Variants in AUTS2 observed in about 807,000 individuals in gnomAD.
AUTS2 encodes the protein activator of transcription and developmental regulator AUTS2.
In AUTS2, 17 loss-of-function variants were observed where a neutral mutation model predicts 112.4. The observed-to-expected ratio is 0.15, with a 90% CI of 0.10 to 0.23. AUTS2 has a LOEUF of 0.23. Ranked by LOEUF, AUTS2 falls within the 10% of genes least tolerant of loss-of-function variation. The pLI is 1.00. For synonymous variants in AUTS2, 751 were observed against 702.7 expected (o/e 1.07, Z -1.09); for missense variants, 1,510 against 1,701.6 (o/e 0.89, Z 1.98).
chr7:70,454,637 G>A (rs1453900210), intron 5 of AUTS2, among the ~76,000 whole-genome samples: 2 of 152,188 alleles, frequency 1.3e-5, no homozygotes, highest in East Asian at 3.9e-4. Flanking sequence ...ACTCACACCT[G>A]TAATCCCAGC....
intron 6 of AUTS2, among the ~76,000 whole-genome samples, chr7:70,749,938 A>G (rs923301965): frequency 2.6e-5 from 4 of 152,250 alleles, no homozygotes; most frequent in Admixed American, 6.5e-5. Flanking sequence ...CACCTACACT[A>G]CACTCCAAGT....
intron 2 of AUTS2, among the ~76,000 whole-genome samples, chr7:69,971,699 A>G (rs539708826): frequency 6.6e-6 from 1 of 152,322 alleles, no homozygotes; most frequent in African/African-American, 2.4e-5. Context: ...TGTTATATAA[A>G]TGGAATCATA....
intron 5 of AUTS2, among the ~76,000 whole-genome samples, chr7:70,586,505 G>A (rs1274005675): frequency 6.6e-6 from 1 of 152,162 alleles, no homozygotes; most frequent in African/African-American, 2.4e-5. Flanking sequence ...ATTCTATTTA[G>A]GGTTAAACAT....
intron 2 of AUTS2, among the ~76,000 whole-genome samples, chr7:70,064,654 C>T (rs1802406224): frequency 6.6e-6 from 1 of 152,138 alleles, no homozygotes; most frequent in South Asian, 2.1e-4. Context: ...GACATAAAGA[C>T]TTAAAGGCAA....
chr7:69,602,074 GTGTGTGTGTGTGTGTGTGTA>G (rs1180068093), intron 1 of AUTS2, among the ~76,000 whole-genome samples: 98 of 50,142 alleles, frequency 2.0e-3, no homozygotes, highest in Middle Eastern at 0.01. Context: ...GTGTGTGTGT[GTGTGTGTGTGTGTGTGTGTA>G]TATCTCACTT....
intron 5 of AUTS2, among the ~76,000 whole-genome samples, chr7:70,548,376 A>G (rs1321699661): frequency 6.6e-6 from 1 of 151,994 alleles, no homozygotes; most frequent in Non-Finnish European, 1.5e-5. Context: ...TTGACTTTTC[A>G]TATCCGTAAT....
chr7:69,987,489 G>A (rs1183831314), intron 2 of AUTS2, among the ~76,000 whole-genome samples: 1 of 152,112 alleles, frequency 6.6e-6, no homozygotes, highest in African/African-American at 2.4e-5. Context: ...CTTTCTGATA[G>A]GGTCTTGCTA....
chr7:70,055,848 AT>A (rs555333017), intron 2 of AUTS2, among the ~76,000 whole-genome samples: 1 of 151,688 alleles, frequency 6.6e-6, no homozygotes. Context: ...TTCCTATCTA[AT>A]TTTTTTTATT....
At chr7:69,830,152 G>A (rs1360835062) in intron 1 of AUTS2, among the ~76,000 whole-genome samples, 4 of 152,094 alleles carry the variant, frequency 2.6e-5, no homozygotes, top group Non-Finnish European at 5.9e-5. Flanking sequence ...ACCAAACAGC[G>A]CATGTTCTCA....
intron 1 of AUTS2, among the ~76,000 whole-genome samples, chr7:69,696,701 G>C (rs1797577671): frequency 6.6e-6 from 1 of 152,188 alleles, no homozygotes; most frequent in Non-Finnish European, 1.5e-5. Flanking sequence ...CTAAGAACCT[G>C]ACCTTCTTGT....
chr7:70,559,619 C>T (rs905158386), intron 5 of AUTS2, among the ~76,000 whole-genome samples: 2 of 152,148 alleles, frequency 1.3e-5, no homozygotes, highest in Admixed American at 1.3e-4. Flanking sequence ...CAGGTGTGAG[C>T]CACCACTCCC....
At chr7:70,788,059 A>G (rs1289093019) in intron 18 of AUTS2, among the ~76,000 whole-genome samples, 2 of 152,150 alleles carry the variant, frequency 1.3e-5, no homozygotes, top group East Asian at 3.9e-4. Flanking sequence ...TAAAAAAAAA[A>G]GTAGCGTTAA....
chr7:70,341,352 C>T (rs1000446226), intron 4 of AUTS2, among the ~76,000 whole-genome samples: 1 of 152,216 alleles, frequency 6.6e-6, no homozygotes, highest in Admixed American at 6.5e-5. Flanking sequence ...ATTACCAATT[C>T]GATATACTGT....
intron 4 of AUTS2, among the ~76,000 whole-genome samples, chr7:70,256,390 G>A (rs1786871411): frequency 6.6e-6 from 1 of 152,310 alleles, no homozygotes; most frequent in South Asian, 2.1e-4. Flanking sequence ...GGCAGCAATG[G>A]TGGTGTCGCC....
At chr7:70,098,635 G>A (rs1010961435) in intron 2 of AUTS2, among the ~76,000 whole-genome samples, 2 of 151,790 alleles carry the variant, frequency 1.3e-5, no homozygotes, top group Admixed American at 1.3e-4. Context: ...TCCAATTGTT[G>A]ATGTTGTAGA....
intron 1 of AUTS2, among the ~76,000 whole-genome samples, chr7:69,644,001 A>G (rs2129123337): frequency 6.6e-6 from 1 of 152,256 alleles, no homozygotes; most frequent in Non-Finnish European, 1.5e-5. Context: ...AAAAAAGAGA[A>G]AGTGACCATC....
intron 5 of AUTS2, among the ~76,000 whole-genome samples, chr7:70,491,444 A>G (rs1371753743): frequency 1.4e-5 from 2 of 138,466 alleles, no homozygotes; most frequent in Non-Finnish European, 3.1e-5. Context: ...ACACATATAT[A>G]CACATAATAT....
intron 2 of AUTS2, among the ~76,000 whole-genome samples, chr7:70,081,387 TAAAAAAAA>T (rs57155688): frequency 1.1e-5 from 1 of 88,934 alleles, no homozygotes; most frequent in East Asian, 3.3e-4. Context: ...CCCGTCTCTA[TAAAAAAAA>T]AAAAAAAAAA....
At chr7:70,095,384 C>G (rs1158292086) in intron 2 of AUTS2, among the ~76,000 whole-genome samples, 2 of 152,114 alleles carry the variant, frequency 1.3e-5, no homozygotes, top group Non-Finnish European at 2.9e-5. Context: ...CTACTTGGAG[C>G]CTGCCTGATG....
Sources: gnomAD v4.1 joint callset for allele counts (sites outside exome capture counted in the v4.1 genomes callset) on GRCh38, gnomAD v4.1.1 for gene constraint, MANE v1.5 for transcripts, NCBI Gene and HGNC (gene_info 2026-07-23, HGNC 2026-07-21) for gene names.